Variants in AS3MT observed in about 807,000 individuals in gnomAD.
The protein encoded by AS3MT is arsenite methyltransferase, also known as S-adenosyl-L-methionine:arsenic(III) methyltransferase.
A neutral mutation model predicts 45.3 loss-of-function variants in AS3MT; 47 were observed. That is an observed-to-expected ratio of 1.04 (90% CI 0.82 to 1.32). The LOEUF (loss-of-function observed/expected upper bound fraction) is 1.32. Among genes scored for constraint, AS3MT ranks in the 40% most tolerant of loss-of-function variants. AS3MT has a pLI of 0.00. For synonymous variants in AS3MT, 141 were observed against 152.8 expected, an observed-to-expected ratio of 0.92 and a Z score of 0.57; for missense variants, 396 against 451.1, an observed-to-expected ratio of 0.88 and a Z score of 1.11.
Position 102,900,770 on chromosome 10 carries a change from C to T in AS3MT, c.*70C>T. On this transcript the variant is annotated 3_prime_UTR_variant, in exon 11 of 11. Transcript: ENST00000369880. ...TGCATGTTTTTTAACCTGCTTTTCC[C>T]CATAGCACAGACCATAAGAAACAAC... 2 of 1,216,690 alleles carry T rather than the reference C, an allele frequency of 1.6e-6. No individual in the cohort carries two copies. The highest frequency in any genetic ancestry group is 2.4e-6 in the Non-Finnish European group (2 of 823,910). The allele number at this position is 1,216,690 out of a possible 1,614,324, so 75.4% of individuals were successfully genotyped here. A position where few individuals can be genotyped will look rare whatever the true frequency, so the allele number is the denominator to read the frequency against.
Position 102,896,786 on chromosome 10 carries a change from G to A in AS3MT, c.1021-3807G>A, listed in dbSNP as rs546803921. Among the ~76,000 whole-genome samples, 111 of 149,750 alleles carry A rather than the reference G, an allele frequency of 7.4e-4. 1 individual carries two copies. Among genetic ancestry groups the A allele is most frequent in the African/African-American group, 2.7e-3 (108 of 40,734 alleles). ...ATCGCGCCACTGCACTCCAGCTGGG[G>A]TGACAGAGTGAGACTCCATCTCAAA... On this transcript the variant is annotated intron_variant, in intron 10 of 10. Transcript: ENST00000369880.
rs764084869 is a variant in AS3MT at position 102,890,582 on chromosome 10, T to C, written c.924T>C (p.Ala308=). 4.4e-6 allele frequency: 7 copies of C among 1,608,196 alleles called. No homozygotes were observed. The highest frequency in any genetic ancestry group is 5.9e-6 in the Non-Finnish European group (7 of 1,178,142). Residue 308 remains alanine, a synonymous_variant, in exon 10 of 11, where the codon GCT becomes GCC. Transcript: ENST00000369880. The stretch of plus-strand genomic sequence containing the variant: ...TTGAAGTGGATGAAGAAACAGCAGC[T>C]ATCTTGAAGAATTCAAGATTTGCTC... The part of the protein sequence containing the change: ...EIVEVDEETA[A]ILKNSRFAQD...
intron 6 of AS3MT, among the ~76,000 whole-genome samples, chr10:102,876,319 AC>A (rs1360646155): frequency 1.4e-4 from 10 of 70,278 alleles, no homozygotes; most frequent in Admixed American, 1.2e-3. Flanking sequence ...CACTATCTGT[AC>A]CCCTCTAACT....
At chr10:102,875,902 C>G (rs1391296780) in intron 6 of AS3MT, among the ~76,000 whole-genome samples, 1 of 152,144 alleles carries the variant, frequency 6.6e-6, no homozygotes, top group Non-Finnish European at 1.5e-5. Context: ...CAGGCATGAG[C>G]CGCTGTGCCT....
At chr10:102,869,652 A>G in intron 1 of AS3MT, 59 bp downstream of exon 1, 2 of 1,336,672 alleles carry the variant, frequency 1.5e-6, no homozygotes, top group Non-Finnish European at 2.0e-6. Flanking sequence ...GGGCCCCCGC[A>G]AGGCGGGAAC....
rs1844647315 is a variant in AS3MT at position 102,869,858 on chromosome 10, G to GGGCC, written c.42+14_42+17dup. ...GAAGGACGTGCAGGTGAGAGCTGTAGGGCCTGGAATGGCCCAAGTGGAGCC... is the reference window on the plus strand; with the variant it reads ...GAAGGACGTGCAGGTGAGAGCTGTAGGGCCGGCCTGGAATGGCCCAAGTGGAGCC... On this transcript the variant is annotated intron_variant, in intron 2 of 10. Transcript: ENST00000369880. The GGGCC allele has an allele frequency of 6.2e-7, 1 of 1,613,750 alleles. No homozygotes were observed. Among genetic ancestry groups the GGGCC allele is most frequent in the Non-Finnish European group, 8.5e-7 (1 of 1,180,036 alleles).
intron 10 of AS3MT, among the ~76,000 whole-genome samples, chr10:102,899,582 C>G (rs1845238016): frequency 6.6e-6 from 1 of 151,938 alleles, no homozygotes; most frequent in Non-Finnish European, 1.5e-5. Flanking sequence ...GTACACCCCT[C>G]TATTTGCAGT....
chr10:102,882,516 C>T (rs1417427930), intron 9 of AS3MT, among the ~76,000 whole-genome samples: 1 of 152,112 alleles, frequency 6.6e-6, no homozygotes, highest in African/African-American at 2.4e-5. Flanking sequence ...AACTCCTGGC[C>T]TCAAGGGATC....
At chr10:102,871,196 A>G (rs1373972076) in intron 3 of AS3MT, among the ~76,000 whole-genome samples, 1 of 150,958 alleles carries the variant, frequency 6.6e-6, no homozygotes, top group Non-Finnish European at 1.5e-5. Context: ...GTGAGCGGAG[A>G]TTGTGCCACT....
chr10:102,900,541 T>C (rs1845253728), intron 10 of AS3MT, 52 bp from the exon 11 acceptor site: 3 of 1,259,572 alleles, frequency 2.4e-6, no homozygotes, highest in Admixed American at 3.4e-5. Context: ...AGTGTTTGGG[T>C]ACATCAAAAC....
chr10:102,893,242 T>C (rs1749178623), intron 10 of AS3MT, among the ~76,000 whole-genome samples: 1 of 151,976 alleles, frequency 6.6e-6, no homozygotes, highest in Admixed American at 6.6e-5. Flanking sequence ...TTTTTGTTTG[T>C]TGGCTTTTAT....
chr10:102,893,806 G>A (rs975764141), intron 10 of AS3MT, among the ~76,000 whole-genome samples: 4 of 151,856 alleles, frequency 2.6e-5, no homozygotes, highest in African/African-American at 9.7e-5. Context: ...GCCCTAATTC[G>A]TATTTTTAGT....
rs868851524 is a variant in AS3MT, at chr10:102,870,132, G to A, written c.91G>A (p.Gly31Ser). ...LKRSADLQTN[G>S]CVTTARPVPK... ...GAGATCGGCAGACCTCCAGACCAAC[G>A]GCTGTGTCACCACAGCCAGGCCGGT... Residue 31 changes from glycine (G) to serine (S), a missense_variant, in exon 3 of 11, where the codon GGC becomes AGC. Coordinates refer to ENST00000369880, the MANE Select transcript of AS3MT (RefSeq NM_020682.4). The A allele has an allele frequency of 1.2e-6, 2 of 1,614,124 alleles. No individual in the cohort carries two copies. The highest frequency in any genetic ancestry group is 8.5e-7 in the Non-Finnish European group (1 of 1,180,028).
At chr10:102,889,607 T>TCTGC (rs201022942) in intron 9 of AS3MT, among the ~76,000 whole-genome samples, 100 of 123,692 alleles carry the variant, frequency 8.1e-4, no homozygotes, top group African/African-American at 2.1e-3. Context: ...CCCCTGCCTG[T>TCTGC]CTGCCTGCCT....
Position 102,896,054 on chromosome 10 carries a change from G to A in AS3MT, c.1021-4539G>A, listed in dbSNP as rs376854696. On this transcript the variant is annotated intron_variant, in intron 10 of 10. Transcript: ENST00000369880. ...GCCTCCCAAAGTGCTGGGATTACAG[G>A]CATGAGCCACCGTGCCCGGCCAATC... is the stretch of plus-strand genomic sequence containing the variant. 1.9e-3 allele frequency among the ~76,000 whole-genome samples: 292 copies of A among 151,842 alleles called. 6 individuals carry two copies. The South Asian group carries it at 0.059, about 30-fold the overall frequency.
intron 9 of AS3MT, among the ~76,000 whole-genome samples, chr10:102,886,122 ATCT>A (rs1844950061): frequency 6.6e-6 from 1 of 150,916 alleles, no homozygotes; most frequent in Non-Finnish European, 1.5e-5. Flanking sequence ...CATTTTGTTG[ATCT>A]TCTGTATTTT....
At chr10:102,887,779 TG>T (rs201847273) in intron 9 of AS3MT, 14 of 152,366 alleles carry the variant, frequency 9.2e-5, no homozygotes, top group African/African-American at 1.9e-4. Flanking sequence ...TCCTTTTTTT[TG>T]GGGGGGGTTC....
At chr10:102,900,501 G>T in intron 10 of AS3MT, 92 bp from the exon 11 acceptor site, 1 of 890,940 alleles carries the variant, frequency 1.1e-6, no homozygotes, top group Non-Finnish European at 1.8e-6. Flanking sequence ...TCTGTTCTGT[G>T]TAAGTCAACC....
chr10:102,872,363 G>T (rs1844706091), intron 3 of AS3MT, 85 bp from the exon 4 acceptor site: 2 of 1,381,344 alleles, frequency 1.4e-6, no homozygotes, highest in African/African-American at 1.4e-5. Context: ...CGGAGGGAGG[G>T]AGGGAGGAGG....
Sources: gnomAD v4.1 joint callset for allele counts (sites outside exome capture counted in the v4.1 genomes callset) on GRCh38, gnomAD v4.1.1 for gene constraint, MANE v1.5 for transcripts, NCBI Gene and HGNC (gene_info 2026-07-23, HGNC 2026-07-21) for gene names.